FBXO31: variants seen among roughly 807,000 people sequenced by gnomAD.
The protein encoded by FBXO31 is F-box only protein 31.
FBXO31 carries 24 observed loss-of-function variants against 54.4 expected under a neutral mutation model. The observed-to-expected ratio is 0.44, with a 90% CI of 0.32 to 0.62. FBXO31 has a LOEUF of 0.62. Ranked by LOEUF, FBXO31 falls within the 20% of genes least tolerant of loss-of-function variation. The pLI, the probability that FBXO31 is intolerant of heterozygous loss-of-function variation, is 0.05. For missense variants in FBXO31, 665 were observed against 787.1 expected, an observed-to-expected ratio of 0.84 and a Z score of 1.86; for synonymous variants, 388 against 335.6, an observed-to-expected ratio of 1.16 and a Z score of -1.71.
chr16:87,375,313 CAAAAACAAAAACA>C (rs1321437022), intron 1 of FBXO31, among the ~76,000 whole-genome samples: 1 of 151,082 alleles, frequency 6.6e-6, no homozygotes. Flanking sequence ...TCTCAAAAAA[CAAAAACAAAAACA>C]AAAAACAAAA....
chr16:87,348,581 T>C (rs994062722), intron 2 of FBXO31, among the ~76,000 whole-genome samples: 11 of 151,894 alleles, frequency 7.2e-5, no homozygotes, highest in Non-Finnish European at 1.3e-4. Context: ...TAAGCCAACA[T>C]ATAGGGTGCT....
intron 1 of FBXO31, among the ~76,000 whole-genome samples, chr16:87,371,461 A>G (rs1052016076): frequency 1.3e-5 from 2 of 152,334 alleles, no homozygotes; most frequent in African/African-American, 4.8e-5. Context: ...TGACTCTACA[A>G]TCCTATCACC....
intron 2 of FBXO31, among the ~76,000 whole-genome samples, chr16:87,349,206 G>C (rs1905530871): frequency 6.6e-6 from 1 of 152,208 alleles, no homozygotes; most frequent in South Asian, 2.1e-4. Flanking sequence ...CATGTGAAGA[G>C]GTGAGAGCAG....
At chr16:87,388,861 T>G (rs1907415292) in intron 1 of FBXO31, 1 of 152,232 alleles carries the variant, frequency 6.6e-6, no homozygotes. Context: ...AAACACTGAG[T>G]AAATTAAAAT....
chr16:87,358,246 G>A lies in FBXO31; in HGVS notation c.412+2049C>T, dbSNP rs886712504. Among the ~76,000 whole-genome samples, 5 of 152,016 alleles carry A rather than the reference G, an allele frequency of 3.3e-5. No homozygotes were observed. The highest frequency in any genetic ancestry group is 5.9e-5 in the Non-Finnish European group (4 of 68,038). On this transcript the variant is annotated intron_variant, in intron 2 of 8. Coordinates refer to ENST00000311635, the MANE Select transcript of FBXO31 (RefSeq NM_024735.5). This position sits in a 1 kb window ranked among gnomAD's most constrained non-coding sequence, Gnocchi z 4.0. ...AGGTGTGATCTCTGTCACAGCTGAAGCAGAGCCACGCTGCAGCAAGTGAAC... is the reference window on the plus strand; with the variant it reads ...AGGTGTGATCTCTGTCACAGCTGAAACAGAGCCACGCTGCAGCAAGTGAAC...
chr16:87,373,826 G>C (rs1257510026), intron 1 of FBXO31, among the ~76,000 whole-genome samples: 1 of 152,176 alleles, frequency 6.6e-6, no homozygotes, highest in African/African-American at 2.4e-5. Context: ...AACAGAAATA[G>C]CACTTTCTTC....
In FBXO31 at chr16:87,383,235, G is replaced by T. The variant is rs1324800556; in HGVS notation, c.340+170C>A. ...AATACCTCCCTGGCCCCCTCAACGT[G>T]GTGTCACCGCGGCCGCTCCCCACCC... On this transcript the variant is annotated intron_variant, in intron 1 of 8. Transcript: ENST00000311635. This position sits in a 1 kb window ranked among gnomAD's most constrained non-coding sequence, Gnocchi z 4.9. Among the ~76,000 whole-genome samples, 1 of 151,710 alleles carries T rather than the reference G, an allele frequency of 6.6e-6. No homozygotes were observed.
intron 1 of FBXO31, among the ~76,000 whole-genome samples, chr16:87,362,958 C>T (rs1049341169): frequency 6.6e-6 from 1 of 152,242 alleles, no homozygotes; most frequent in Non-Finnish European, 1.5e-5. Context: ...GGACCTTTGT[C>T]CTCCCTTCAG....
chr16:87,342,672 G>T (rs1905229192), intron 5 of FBXO31, among the ~76,000 whole-genome samples: 1 of 152,214 alleles, frequency 6.6e-6, no homozygotes, highest in Non-Finnish European at 1.5e-5. Flanking sequence ...AGGGGGAGGG[G>T]ACCGGCAACC....
At chr16:87,366,450 G>A (rs1010519145) in intron 1 of FBXO31, among the ~76,000 whole-genome samples, 1 of 152,218 alleles carries the variant, frequency 6.6e-6, no homozygotes, top group Non-Finnish European at 1.5e-5. Flanking sequence ...CAGAGGTGAA[G>A]AGAGCGGGCA....
chr16:87,363,235 T>C (rs1906211836), intron 1 of FBXO31, among the ~76,000 whole-genome samples: 1 of 151,906 alleles, frequency 6.6e-6, no homozygotes, highest in African/African-American at 2.4e-5. Context: ...AAATACAAAA[T>C]TAGCCGGGCA....
chr16:87,375,877 G>T (rs1355095922), intron 1 of FBXO31, among the ~76,000 whole-genome samples: 2 of 152,122 alleles, frequency 1.3e-5, no homozygotes, highest in African/African-American at 4.8e-5. Context: ...TATTAGAAAA[G>T]ATTTAACCCA....
At position 87,338,738 on chromosome 16, in the gene FBXO31, T is replaced by C. The variant is rs1692998559; in HGVS notation, c.733-2474A>G. ...ACTGCATTGCCCTCGAAGCCTCCCC[T>C]GTCCAGAGCCTGGCCCCTCCAACCT... On this transcript the variant is annotated intron_variant, in intron 5 of 8. Coordinates refer to ENST00000311635, the MANE Select transcript of FBXO31 (RefSeq NM_024735.5). This position sits in a 1 kb window ranked among gnomAD's most constrained non-coding sequence, Gnocchi z 4.3. 6.6e-6 allele frequency among the ~76,000 whole-genome samples: 1 copy of C among 152,118 alleles called. No homozygotes were observed. Among genetic ancestry groups the C allele is most frequent in the Admixed American group, 6.5e-5 (1 of 15,284 alleles).
At chr16:87,362,959 C>A (rs886679359) in intron 1 of FBXO31, among the ~76,000 whole-genome samples, 1 of 152,220 alleles carries the variant, frequency 6.6e-6, no homozygotes, top group East Asian at 1.9e-4. Flanking sequence ...GACCTTTGTC[C>A]TCCCTTCAGT....
At chr16:87,344,169 T>C (rs771847661) in intron 3 of FBXO31, among the ~76,000 whole-genome samples, 3 of 152,268 alleles carry the variant, frequency 2.0e-5, no homozygotes, top group Non-Finnish European at 2.9e-5. Context: ...AAGGACCGTG[T>C]GCCACTTTTG....
At chr16:87,373,042 T>C (rs980546271) in intron 1 of FBXO31, among the ~76,000 whole-genome samples, 18 of 105,030 alleles carry the variant, frequency 1.7e-4, no homozygotes, top group Non-Finnish European at 3.2e-4. Context: ...GCCTCTTTTT[T>C]CACATGGCCT....
At chr16:87,371,010 A>G (rs1236044029) in intron 1 of FBXO31, among the ~76,000 whole-genome samples, 3 of 152,180 alleles carry the variant, frequency 2.0e-5, no homozygotes, top group Non-Finnish European at 4.4e-5. Context: ...GCACTCCCCA[A>G]CACTCCCAGC....
Position 87,383,416 on chromosome 16 carries a change from C to T in FBXO31, c.329G>A (p.Arg110His). The change falls in exon 1 of 9, where the codon CGT (arginine) becomes CAT (histidine). Residue 110 changes from arginine to histidine, a missense_variant. By Grantham distance (29) the Arg-to-His change is conservative (BLOSUM62 0). Around this residue, in one of 4 missense-constraint regions of FBXO31, gnomAD observed 195 missense variants for 174.8 expected, o/e 1.12. Transcript: ENST00000311635. This position sits in a 1 kb window ranked among gnomAD's most constrained non-coding sequence, Gnocchi z 4.9. The part of the protein sequence containing the change: ...ILHTDTIWRR[R>H]CREEYGVCEN... ...CCCCGCGCGCTCACCCTCACGGCAACGCCTCCTCCAGATGGTGTCGGTGTG... is the reference window on the plus strand; with the variant it reads ...CCCCGCGCGCTCACCCTCACGGCAATGCCTCCTCCAGATGGTGTCGGTGTG... 1 of 1,561,120 alleles carries T rather than the reference C, an allele frequency of 6.4e-7. No homozygotes were observed. Among genetic ancestry groups the T allele is most frequent in the Non-Finnish European group, 8.6e-7 (1 of 1,157,430 alleles).
intron 1 of FBXO31, among the ~76,000 whole-genome samples, chr16:87,365,780 C>T (rs993491568): frequency 9.2e-5 from 14 of 152,108 alleles, no homozygotes; most frequent in African/African-American, 3.4e-4. Flanking sequence ...CGCCTGTAAT[C>T]CCAGCACTTT....
Sources: allele counts gnomAD v4.1 joint callset (sites outside exome capture counted in the v4.1 genomes callset), GRCh38; gene constraint gnomAD v4.1.1; regional missense constraint gnomAD v4.1.1; non-coding constraint Gnocchi (gnomAD v3.1); transcripts MANE v1.5; gene names NCBI Gene and HGNC (gene_info 2026-07-23, HGNC 2026-07-21).